ZMYM5: variants seen among roughly 807,000 people sequenced by gnomAD.
The protein encoded by ZMYM5 is zinc finger MYM-type containing 5.
ZMYM5 carries 41 observed loss-of-function variants against 61.8 expected under a neutral mutation model. That is an observed-to-expected ratio of 0.66 (90% CI 0.52 to 0.86). ZMYM5 has a LOEUF of 0.86. ZMYM5 is among the 40% of genes least tolerant of loss of function. ZMYM5 has a pLI of 0.00. For missense variants in ZMYM5, 706 were observed against 786.7 expected, an observed-to-expected ratio of 0.90 and a Z score of 1.23; for synonymous variants, 257 against 276.4, an observed-to-expected ratio of 0.93 and a Z score of 0.70.
chr13:19,825,615 C>T (rs1335281934), intron 7 of ZMYM5, among the ~76,000 whole-genome samples: 1 of 151,158 alleles, frequency 6.6e-6, no homozygotes, highest in Non-Finnish European at 1.5e-5. Flanking sequence ...CCACTGCACT[C>T]CAGTCTGGGC....
chr13:19,858,585 C>CAAAAAAAAAAAAAAAAAAAAA (rs34468029), intron 2 of ZMYM5, among the ~76,000 whole-genome samples: 1 of 85,314 alleles, frequency 1.2e-5, no homozygotes, highest in Non-Finnish European at 2.1e-5. Context: ...GACGCTGTTT[C>CAAAAAAAAAAAAAAAAAAAAA]AAAAAAAAAA....
At chr13:19,835,953 A>T (rs901361188) in intron 6 of ZMYM5, among the ~76,000 whole-genome samples, 1 of 151,848 alleles carries the variant, frequency 6.6e-6, no homozygotes, top group Non-Finnish European at 1.5e-5. Context: ...CCTCCCAAGT[A>T]GCTGGGATTA....
chr13:19,825,965 G>A (rs1890893936), intron 7 of ZMYM5, among the ~76,000 whole-genome samples: 1 of 150,268 alleles, frequency 6.7e-6, no homozygotes. Context: ...GACCTCACTT[G>A]AACCCTGGAG....
At chr13:19,828,631 T>C (rs1259233817) in intron 7 of ZMYM5, among the ~76,000 whole-genome samples, 1 of 152,182 alleles carries the variant, frequency 6.6e-6, no homozygotes, top group Non-Finnish European at 1.5e-5. Flanking sequence ...GTCAAGAAAC[T>C]ATAGTAGTAA....
At chr13:19,829,104 C>CAAAA (rs1287147297) in intron 7 of ZMYM5, among the ~76,000 whole-genome samples, 5 of 151,674 alleles carry the variant, frequency 3.3e-5, no homozygotes, top group African/African-American at 7.3e-5. Context: ...ACCCTGTCTC[C>CAAAA]AACAAACAAA....
intron 7 of ZMYM5, among the ~76,000 whole-genome samples, chr13:19,828,795 G>T (rs1221230636): frequency 2.0e-5 from 3 of 152,220 alleles, no homozygotes; most frequent in Non-Finnish European, 4.4e-5. Flanking sequence ...CTAAGTTTCT[G>T]AATGGGCATT....
At chr13:19,836,352 C>T (rs903145361) in intron 6 of ZMYM5, among the ~76,000 whole-genome samples, 13 of 151,874 alleles carry the variant, frequency 8.6e-5, no homozygotes, top group Admixed American at 7.9e-4. Context: ...CTACTCATGC[C>T]TCCTGAATAG....
chr13:19,837,779 T>C lies in ZMYM5; in HGVS notation c.915A>G (p.Glu305=). Residue 305 remains glutamate, a synonymous_variant, in exon 6 of 8, where the codon GAA becomes GAG. Transcript: ENST00000337963. The stretch of plus-strand genomic sequence containing the variant: ...AAAATTCTTGGAAGGATTTGCTTGA[T>C]TCTACTGGAAGAATGACATTAGCCT... ...TKKANVILPV[E]SSKSFQEFYS... is the part of the protein sequence containing the mutation. 6.3e-7 allele frequency: 1 copy of C among 1,593,984 alleles called. No homozygotes were observed. Among genetic ancestry groups the C allele is most frequent in the Non-Finnish European group, 8.5e-7 (1 of 1,175,666 alleles).
intron 6 of ZMYM5, 153 bp downstream of exon 6, chr13:19,837,503 A>C: frequency 6.3e-7 from 1 of 1,593,614 alleles, no homozygotes; most frequent in Admixed American, 1.9e-5. Flanking sequence ...ATATCCCATA[A>C]GATAGTTCTA....
Position 19,848,698 on chromosome 13 carries a change from T to C in ZMYM5, c.586+2657A>G, listed in dbSNP as rs373962078. ...ACAGGTACATGCCACCATGCCTGGC[T>C]ACTTTTTAATTTTTTTAGTAGAGAT... On this transcript the variant is annotated intron_variant, in intron 4 of 7. Coordinates refer to ENST00000337963, the MANE Select transcript of ZMYM5 (RefSeq NM_001142684.2). Among the ~76,000 whole-genome samples, 8 of 152,200 alleles carry C rather than the reference T, an allele frequency of 5.3e-5. No individual in the cohort carries two copies. The East Asian group carries it at 1.2e-3, about 22-fold the overall frequency.
In ZMYM5 at chr13:19,835,557, T is replaced by C. The variant is rs766821743; in HGVS notation, c.1171A>G (p.Ser391Gly). 2.2e-6 allele frequency: 3 copies of C among 1,367,702 alleles called. No homozygotes were observed. 84.7% of individuals were successfully genotyped at this position (1,367,702 alleles called of 1,614,324 possible). A position where few individuals can be genotyped will look rare whatever the true frequency, so the allele number is the denominator to read the frequency against. ...EHCGEYMPSK[S>G]TGNNILVIGG... ...ATCACCAGGATGTTGTTTCCAGTAC[T>C]CTTACTAGGCATGTACTCTCCACAG... is the stretch of plus-strand genomic sequence containing the variant. The change falls in exon 7 of 8, where the codon AGT becomes GGT. Residue 391 changes from serine to glycine, a missense_variant. Transcript: ENST00000337963.
chr13:19,832,650 A>T (rs538209018), intron 7 of ZMYM5, among the ~76,000 whole-genome samples: 2 of 152,276 alleles, frequency 1.3e-5, no homozygotes, highest in Non-Finnish European at 2.9e-5. Flanking sequence ...AAGAAATAAA[A>T]AAGGCTTGGA....
At position 19,862,706 on chromosome 13, in the gene ZMYM5, TC is replaced by T. The variant is rs138852628; in HGVS notation, c.-78-241del. 4.9e-4 allele frequency among the ~76,000 whole-genome samples: 74 copies of T among 152,216 alleles called. No homozygotes were observed. In the East Asian group the frequency reaches 0.013, roughly 27 times the overall value. ...ACTGGGGATGCAGTGGGCTCGGGGA[TC>T]CGAGGCCTGCTCCCAGGACGGGAGA... On this transcript the variant is annotated intron_variant, in intron 1 of 7. Transcript: ENST00000337963.
chr13:19,831,820 T>C (rs1211615546), intron 7 of ZMYM5, among the ~76,000 whole-genome samples: 1 of 133,338 alleles, frequency 7.5e-6, no homozygotes, highest in African/African-American at 2.7e-5. Flanking sequence ...AAAAACCATA[T>C]GTATAGGTGT....
At chr13:19,835,827 T>C (rs551051961) in intron 6 of ZMYM5, 138 bp from the exon 7 acceptor site, 34 of 241,210 alleles carry the variant, frequency 1.4e-4, no homozygotes, top group Non-Finnish European at 2.0e-4. Flanking sequence ...AGGGAAAAGA[T>C]TTTTTTTTTT....
intron 4 of ZMYM5, chr13:19,843,586 C>T (rs921380598): frequency 2.6e-5 from 4 of 152,026 alleles, no homozygotes; most frequent in African/African-American, 9.7e-5. Flanking sequence ...CCTATAATCC[C>T]AGCACTTGGG....
rs530956053 is a variant in ZMYM5, at chr13:19,859,466, G to A, written c.-11+2933C>T. Among the ~76,000 whole-genome samples, 230 of 152,046 alleles carry A rather than the reference G, an allele frequency of 1.5e-3. 4 individuals carry two copies. Among genetic ancestry groups the A allele is most frequent in the Admixed American group, 1.9e-3 (29 of 15,256 alleles). On this transcript the variant is annotated intron_variant, in intron 2 of 7. Transcript: ENST00000337963. The stretch of plus-strand genomic sequence containing the variant: ...CACCCAGGCTGGAGTGCAGTGGCGC[G>A]ATCTTGGCTCACTGCAAGCTCCACC...
chr13:19,833,056 T>G (rs1179696679), intron 7 of ZMYM5, among the ~76,000 whole-genome samples: 2 of 152,100 alleles, frequency 1.3e-5, no homozygotes, highest in East Asian at 3.9e-4. Context: ...TAATGTTCAT[T>G]GTGTTCTTCT....
chr13:19,831,811 A>C (rs76374971), intron 7 of ZMYM5, among the ~76,000 whole-genome samples: 8 of 151,028 alleles, frequency 5.3e-5, no homozygotes, highest in African/African-American at 2.4e-5. Flanking sequence ...AAAAAAAAAA[A>C]AAACCATATG....
Sources: gnomAD v4.1 joint callset for allele counts (sites outside exome capture counted in the v4.1 genomes callset) on GRCh38, gnomAD v4.1.1 for gene constraint, MANE v1.5 for transcripts, NCBI Gene and HGNC (gene_info 2026-07-23, HGNC 2026-07-21) for gene names.